The following TPST2 variants were observed in gnomAD, a reference collection of about 807,000 sequenced individuals.
TPST2 encodes tyrosylprotein sulfotransferase 2, also known as protein-tyrosine sulfotransferase 2.
In TPST2, 16 loss-of-function variants were observed where a neutral mutation model predicts 27.8. The ratio of observed to expected loss-of-function variants is 0.58; its 90% CI spans 0.39 to 0.88. TPST2 has a LOEUF of 0.88. TPST2 is among the 40% of genes least tolerant of loss of function. The probability of loss-of-function intolerance (pLI) is 0.00; values close to 1 mark genes in which losing one functional copy is unlikely to be tolerated. For synonymous variants in TPST2, 229 were observed against 231.7 expected, an observed-to-expected ratio of 0.99 and a Z score of 0.10; for missense variants, 464 against 543.1, an observed-to-expected ratio of 0.85 and a Z score of 1.45.
At chr22:26,554,346 C>T (rs1372242399) in intron 1 of TPST2, among the ~76,000 whole-genome samples, 1 of 152,142 alleles carries the variant, frequency 6.6e-6, no homozygotes, top group Non-Finnish European at 1.5e-5. Context: ...GGACTTCCTG[C>T]CCAGAAACAC....
chr22:26,587,856 C>T (rs1228683793), intron 1 of TPST2, among the ~76,000 whole-genome samples: 1 of 151,916 alleles, frequency 6.6e-6, no homozygotes, highest in Admixed American at 6.6e-5. Context: ...ACTTTGGGAG[C>T]CTGAGGTAGG....
intron 1 of TPST2, among the ~76,000 whole-genome samples, chr22:26,568,909 G>T (rs1476115750): frequency 6.8e-6 from 1 of 146,850 alleles, no homozygotes; most frequent in East Asian, 2.0e-4. Flanking sequence ...TGTCTCCCAG[G>T]CTGGAGTGCA....
intron 1 of TPST2, among the ~76,000 whole-genome samples, chr22:26,581,769 C>CACCAAATCAA (rs1450119001): frequency 1.3e-5 from 2 of 152,230 alleles, no homozygotes; most frequent in Non-Finnish European, 2.9e-5. Context: ...ATCTAACACT[C>CACCAAATCAA]ACCAAATCAA....
chr22:26,572,996 T>C (rs1250083163), intron 1 of TPST2, among the ~76,000 whole-genome samples: 1 of 152,182 alleles, frequency 6.6e-6, no homozygotes, highest in African/African-American at 2.4e-5. Flanking sequence ...ACTTAACCTC[T>C]CTGGGCCTCA....
intron 2 of TPST2, among the ~76,000 whole-genome samples, chr22:26,543,795 A>G (rs1006883190): frequency 1.3e-5 from 2 of 152,240 alleles, no homozygotes; most frequent in African/African-American, 4.8e-5. Context: ...GGCAAGTCAG[A>G]AGTGAGCAGA....
intron 1 of TPST2, among the ~76,000 whole-genome samples, chr22:26,577,448 G>A (rs934674093): frequency 6.6e-6 from 1 of 151,630 alleles, no homozygotes; most frequent in African/African-American, 2.4e-5. Flanking sequence ...AGGTTCAAGC[G>A]ATTCTCCTGC....
At position 26,523,912 on chromosome 22, in the gene TPST2, A is replaced by G. The variant is rs932424501; in HGVS notation, c.*2363T>C. The G allele has an allele frequency of 6.6e-6, 1 of 152,130 alleles. No individual in the cohort carries two copies. The highest frequency in any genetic ancestry group is 1.5e-5 in the Non-Finnish European group (1 of 68,022). The allele number at this position is 152,130 out of a possible 1,614,324, so 9.4% of individuals were successfully genotyped here. ...TATTTTCTTTCAGTGTTTTCCCAGG[A>G]AGTTCTCTGAACATCCAGGGTCTTC... On this transcript the variant is annotated 3_prime_UTR_variant, in exon 7 of 7. Transcript: ENST00000338754.
At chr22:26,546,200 T>C (rs1478461832) in intron 1 of TPST2, among the ~76,000 whole-genome samples, 1 of 152,218 alleles carries the variant, frequency 6.6e-6, no homozygotes, top group Non-Finnish European at 1.5e-5. Context: ...ACTCACTCCT[T>C]TTCTCCATAC....
At chr22:26,569,881 G>A (rs1927532238) in intron 1 of TPST2, among the ~76,000 whole-genome samples, 1 of 149,648 alleles carries the variant, frequency 6.7e-6, no homozygotes. Context: ...GAACCTGGGA[G>A]GTGGAGGTTG....
intron 4 of TPST2, among the ~76,000 whole-genome samples, chr22:26,533,818 G>T (rs928825266): frequency 1.3e-5 from 2 of 152,028 alleles, no homozygotes; most frequent in African/African-American, 4.8e-5. Flanking sequence ...GGGACTATAG[G>T]CACGTGCCAC....
At chr22:26,564,478 GC>G (rs1211058345) in intron 1 of TPST2, among the ~76,000 whole-genome samples, 1 of 152,196 alleles carries the variant, frequency 6.6e-6, no homozygotes, top group East Asian at 1.9e-4. Flanking sequence ...ACGCCGGAGG[GC>G]CGAGCAGAGG....
At chr22:26,531,505 G>T (rs1040712134) in intron 5 of TPST2, among the ~76,000 whole-genome samples, 2 of 152,216 alleles carry the variant, frequency 1.3e-5, no homozygotes, top group African/African-American at 4.8e-5. Context: ...AGAGGTTTCG[G>T]CCACACTCCC....
intron 1 of TPST2, among the ~76,000 whole-genome samples, chr22:26,573,751 T>C (rs1286872345): frequency 6.6e-6 from 1 of 152,206 alleles, no homozygotes; most frequent in Admixed American, 6.5e-5. Context: ...TTGGGCATAT[T>C]ATTAGGGGCA....
chr22:26,547,157 C>G (rs931362140), intron 1 of TPST2, among the ~76,000 whole-genome samples: 1 of 152,060 alleles, frequency 6.6e-6, no homozygotes, highest in African/African-American at 2.4e-5. Flanking sequence ...GCATGATCTT[C>G]GTTCACTGCA....
At chr22:26,552,719 AT>A (rs1457641697) in intron 1 of TPST2, among the ~76,000 whole-genome samples, 2 of 152,136 alleles carry the variant, frequency 1.3e-5, no homozygotes, top group Non-Finnish European at 2.9e-5. Flanking sequence ...GGTCAGCTAG[AT>A]TTGTCCCGTG....
chr22:26,550,604 G>A (rs771216038), intron 1 of TPST2: 25 of 985,386 alleles, frequency 2.5e-5, no homozygotes, highest in African/African-American at 3.5e-5. Flanking sequence ...AGTGGCCCTG[G>A]AGCAGGGCCC....
At chr22:26,576,494 G>T (rs1196643176) in intron 1 of TPST2, among the ~76,000 whole-genome samples, 1 of 152,032 alleles carries the variant, frequency 6.6e-6, no homozygotes, top group African/African-American at 2.4e-5. Context: ...AAGAATGCCA[G>T]CATTTTAACA....
At chr22:26,572,117 T>G (rs1927651334) in intron 1 of TPST2, among the ~76,000 whole-genome samples, 1 of 152,240 alleles carries the variant, frequency 6.6e-6, no homozygotes, top group Non-Finnish European at 1.5e-5. Flanking sequence ...CCTGGCTTTC[T>G]TATTTTCATT....
At chr22:26,575,034 C>G (rs538063938) in intron 1 of TPST2, among the ~76,000 whole-genome samples, 4 of 152,270 alleles carry the variant, frequency 2.6e-5, no homozygotes, top group Non-Finnish European at 5.9e-5. Context: ...CTATGAGGAC[C>G]TGTCCCCACT....
Sources: gnomAD v4.1 joint callset for allele counts (sites outside exome capture counted in the v4.1 genomes callset) on GRCh38, gnomAD v4.1.1 for gene constraint, MANE v1.5 for transcripts, NCBI Gene and HGNC (gene_info 2026-07-23, HGNC 2026-07-21) for gene names.